Variants in ZC2HC1A observed in about 807,000 individuals in gnomAD.
The protein encoded by ZC2HC1A is zinc finger C2HC domain-containing protein 1A.
Under a neutral mutation model 40.7 loss-of-function variants are expected in ZC2HC1A, and 28 were observed. The observed-to-expected ratio is 0.69, with a 90% CI of 0.51 to 0.94. The LOEUF (loss-of-function observed/expected upper bound fraction) is 0.94. Among genes scored for constraint, ZC2HC1A ranks in the 40% least tolerant of loss-of-function variants. ZC2HC1A has a pLI of 0.00. For missense variants in ZC2HC1A, 389 were observed against 386.3 expected (o/e 1.01, Z -0.06); for synonymous variants, 129 against 129.2 (o/e 1.00, Z 0.01).
intron 5 of ZC2HC1A, among the ~76,000 whole-genome samples, chr8:78,695,694 G>C (rs2130533398): frequency 6.6e-6 from 1 of 152,082 alleles, no homozygotes; most frequent in East Asian, 1.9e-4. Context: ...TTTTAAACCA[G>C]AAGCACCTCT....
At chr8:78,705,558 A>C (rs1810745600) in intron 7 of ZC2HC1A, among the ~76,000 whole-genome samples, 1 of 152,112 alleles carries the variant, frequency 6.6e-6, no homozygotes, top group Non-Finnish European at 1.5e-5. Flanking sequence ...GAGGAATGGG[A>C]CTGGGAACCT....
At chr8:78,714,009 C>T (rs1037739754) in intron 7 of ZC2HC1A, among the ~76,000 whole-genome samples, 3 of 152,150 alleles carry the variant, frequency 2.0e-5, no homozygotes, top group African/African-American at 7.2e-5. Context: ...GTACTCTCTC[C>T]TACTTTGCCA....
intron 7 of ZC2HC1A, among the ~76,000 whole-genome samples, chr8:78,706,467 C>T (rs1168967071): frequency 1.3e-5 from 2 of 152,074 alleles, no homozygotes; most frequent in African/African-American, 2.4e-5. Flanking sequence ...TTCACAAGGG[C>T]GTCTCTTGAC....
intron 5 of ZC2HC1A, among the ~76,000 whole-genome samples, chr8:78,690,740 T>C (rs975357475): frequency 1.3e-5 from 2 of 152,320 alleles, no homozygotes; most frequent in Non-Finnish European, 2.9e-5. Context: ...GAACCTGTTA[T>C]ATTTTCTGAT....
At chr8:78,682,337 C>T (rs781620348) in intron 3 of ZC2HC1A, among the ~76,000 whole-genome samples, 3 of 152,004 alleles carry the variant, frequency 2.0e-5, no homozygotes, top group Non-Finnish European at 2.9e-5. Flanking sequence ...TAAGAAATAT[C>T]GGAGACTGGG....
chr8:78,691,528 G>A (rs1810211082), intron 5 of ZC2HC1A, among the ~76,000 whole-genome samples: 1 of 151,864 alleles, frequency 6.6e-6, no homozygotes, highest in Non-Finnish European at 1.5e-5. Flanking sequence ...ATCAAATCTA[G>A]TAACTTCATC....
At chr8:78,689,450 A>C in intron 5 of ZC2HC1A, 77 bp downstream of exon 5, 1 of 1,367,788 alleles carries the variant, frequency 7.3e-7, no homozygotes, top group East Asian at 2.6e-5. Flanking sequence ...TATGCTTTTC[A>C]TGACATTAGA....
At chr8:78,693,256 A>G (rs1445641266) in intron 5 of ZC2HC1A, among the ~76,000 whole-genome samples, 1 of 152,042 alleles carries the variant, frequency 6.6e-6, no homozygotes, top group Non-Finnish European at 1.5e-5. Flanking sequence ...CAGTAATGGG[A>G]TGGCTGGGTC....
chr8:78,704,387 CA>C (rs1307275741), intron 7 of ZC2HC1A, among the ~76,000 whole-genome samples: 2,457 of 65,278 alleles, frequency 0.038, 27 homozygotes, highest in Non-Finnish European at 0.049. Flanking sequence ...GACTCCATCT[CA>C]AAAAAAAAAA....
chr8:78,675,476 TA>T (rs1464440981), intron 1 of ZC2HC1A, among the ~76,000 whole-genome samples: 1 of 151,982 alleles, frequency 6.6e-6, no homozygotes. Flanking sequence ...ACCATAGAGA[TA>T]GCCTATAAGT....
chr8:78,702,771 G>C (rs1810647208), intron 7 of ZC2HC1A, among the ~76,000 whole-genome samples: 1 of 152,144 alleles, frequency 6.6e-6, no homozygotes, highest in South Asian at 2.1e-4. Flanking sequence ...GTAGGGTTTT[G>C]AGTTAATTTC....
At chr8:78,703,607 CT>C (rs1298693932) in intron 7 of ZC2HC1A, among the ~76,000 whole-genome samples, 5 of 148,726 alleles carry the variant, frequency 3.4e-5, no homozygotes, top group African/African-American at 1.2e-4. Context: ...ACAACCCCTG[CT>C]TTTTTCTGTT....
chr8:78,688,454 T>C (rs1458478264), intron 4 of ZC2HC1A, among the ~76,000 whole-genome samples: 1 of 152,186 alleles, frequency 6.6e-6, no homozygotes, highest in Non-Finnish European at 1.5e-5. Context: ...GGGCAAACTC[T>C]GTATCAAAAA....
At position 78,666,184 on chromosome 8, in the gene ZC2HC1A, A is replaced by G. The variant is rs766586643; in HGVS notation, c.16+20A>G. ...TGGAAGGTGAGGCGATGAAGGGATGAGGGCAGGACGGCTAGAGCGGGCCCG... is the reference window on the plus strand; with the variant it reads ...TGGAAGGTGAGGCGATGAAGGGATGGGGGCAGGACGGCTAGAGCGGGCCCG... On this transcript the variant is annotated intron_variant, in intron 1 of 8. Transcript: ENST00000263849. 1 of 1,573,042 alleles carries G rather than the reference A, an allele frequency of 6.4e-7. No individual in the cohort carries two copies. Among genetic ancestry groups the G allele is most frequent in the Non-Finnish European group, 8.6e-7 (1 of 1,159,542 alleles).
chr8:78,719,520 AAAAT>A lies in ZC2HC1A; in HGVS notation c.*2028_*2031del, dbSNP rs1811198899. ...TTTGTGCAATAGTTCAGTTTTAAAA[AAAAT>A]CTTCCTATGCATCATGTATTTTATT... On this transcript the variant is annotated 3_prime_UTR_variant, in exon 9 of 9. Coordinates refer to ENST00000263849, the MANE Select transcript of ZC2HC1A (RefSeq NM_016010.3). The A allele has an allele frequency of 1.3e-5, 2 of 151,850 alleles. No homozygotes were observed. The highest frequency in any genetic ancestry group is 4.8e-5 in the African/African-American group (2 of 41,442). 9.4% of individuals were successfully genotyped at this position (151,850 alleles called of 1,614,324 possible).
intron 7 of ZC2HC1A, among the ~76,000 whole-genome samples, chr8:78,708,988 C>G (rs1810871678): frequency 6.6e-6 from 1 of 152,104 alleles, no homozygotes; most frequent in African/African-American, 2.4e-5. Flanking sequence ...TCTTTAATAC[C>G]AGGAAATTTT....
At chr8:78,693,567 T>A (rs372171112) in intron 5 of ZC2HC1A, among the ~76,000 whole-genome samples, 3 of 152,114 alleles carry the variant, frequency 2.0e-5, no homozygotes, top group Non-Finnish European at 4.4e-5. Context: ...TTGCCCACTT[T>A]TTGATGGGGT....
intron 1 of ZC2HC1A, among the ~76,000 whole-genome samples, chr8:78,673,359 A>G: frequency 6.6e-6 from 1 of 152,170 alleles, no homozygotes; most frequent in East Asian, 1.9e-4. Flanking sequence ...TATTGTAAAT[A>G]GTGCTGCAGT....
chr8:78,693,735 A>G, intron 5 of ZC2HC1A, among the ~76,000 whole-genome samples: 1 of 152,072 alleles, frequency 6.6e-6, no homozygotes, highest in East Asian at 1.9e-4. Flanking sequence ...TCTTTAGTTG[A>G]ATTAGATCCC....
Sources: gnomAD v4.1 joint callset for allele counts (sites outside exome capture counted in the v4.1 genomes callset) on GRCh38, gnomAD v4.1.1 for gene constraint, MANE v1.5 for transcripts, NCBI Gene and HGNC (gene_info 2026-07-23, HGNC 2026-07-21) for gene names.